Variants in KIF15 observed in about 807,000 individuals in gnomAD.
KIF15 encodes kinesin family member 15, also known as kinesin-like protein KIF15.
KIF15 carries 140 observed loss-of-function variants against 190.6 expected under a neutral mutation model. That is an observed-to-expected ratio of 0.73 (90% CI 0.64 to 0.84). KIF15 has a LOEUF of 0.84. Ranked by LOEUF, KIF15 falls within the 40% of genes least tolerant of loss-of-function variation. The pLI is 0.00. For synonymous variants in KIF15, 528 were observed against 551.3 expected (o/e 0.96, Z 0.59); for missense variants, 1,372 against 1,584.4 (o/e 0.87, Z 2.28).
chr3:44,864,234 T>C (rs1699295841), intron 6 of KIF15: 6 of 1,614,100 alleles, frequency 3.7e-6, no homozygotes, highest in African/African-American at 1.3e-5. Context: ...ATTATTGTGA[T>C]GGCGAGCACC....
rs565136478 is a variant in KIF15 at position 44,829,474 on chromosome 3, A to AAT, written c.2944-494_2944-493dup. 3.1e-3 allele frequency among the ~76,000 whole-genome samples: 413 copies of AAT among 133,286 alleles called. 13 individuals are homozygous for AAT. Among genetic ancestry groups the AAT allele is most frequent in the African/African-American group, 0.011 (374 of 32,860 alleles). 87.4% of individuals were successfully genotyped at this position (133,286 alleles called of 152,430 possible). ...ACGCATATATAATATATATGTATAT[A>AAT]ATATGTGTATATAATATATGCATAT... is the stretch of plus-strand genomic sequence containing the variant. On this transcript the variant is annotated intron_variant, in intron 24 of 34. Transcript: ENST00000326047.
intron 2 of KIF15, among the ~76,000 whole-genome samples, chr3:44,774,978 T>A (rs916205533): frequency 6.6e-6 from 1 of 152,088 alleles, no homozygotes; most frequent in African/African-American, 2.4e-5. Flanking sequence ...CAGATCCCTG[T>A]AATCCCAGCT....
At chr3:44,835,127 A>G (rs1205494919) in intron 26 of KIF15, among the ~76,000 whole-genome samples, 1 of 152,112 alleles carries the variant, frequency 6.6e-6, no homozygotes, top group African/African-American at 2.4e-5. Context: ...ATAAAACTTT[A>G]CAAGCAACAT....
chr3:44,840,336 A>T lies in KIF15; in HGVS notation c.3319-19A>T. ...CCATATTACTAAGTTGTAACCTTGT[A>T]TCTGTTCAATTTTCCCAGCTAAACC... On this transcript the variant is annotated intron_variant, in intron 27 of 34. Transcript: ENST00000326047. The T allele has an allele frequency of 1.4e-6, 2 of 1,459,106 alleles. No individual in the cohort carries two copies. Among genetic ancestry groups the T allele is most frequent in the Non-Finnish European group, 1.9e-6 (2 of 1,048,632 alleles). The allele number at this position is 1,459,106 out of a possible 1,614,324, so 90.4% of individuals were successfully genotyped here. A position where few individuals can be genotyped will look rare whatever the true frequency, so the allele number is the denominator to read the frequency against.
intron 7 of KIF15, 146 bp downstream of exon 7, chr3:44,786,720 A>C (rs1035696640): frequency 1.7e-6 from 1 of 584,774 alleles, no homozygotes; most frequent in Non-Finnish European, 2.7e-6. Context: ...AGATAAAATA[A>C]TATGGCAGTA....
intron 18 of KIF15, 60 bp downstream of exon 18, chr3:44,812,349 G>T: frequency 8.3e-7 from 1 of 1,204,356 alleles, no homozygotes; most frequent in South Asian, 1.3e-5. Flanking sequence ...TTACCTTGAG[G>T]AAACATCCTC....
intron 6 of KIF15, among the ~76,000 whole-genome samples, chr3:44,866,844 A>G (rs1699327815): frequency 6.6e-6 from 1 of 152,150 alleles, no homozygotes; most frequent in Non-Finnish European, 1.5e-5. Context: ...AGACATCTGC[A>G]GGTCAGCCAT....
chr3:44,788,931 A>G (rs954645273), intron 7 of KIF15, among the ~76,000 whole-genome samples: 2 of 152,222 alleles, frequency 1.3e-5, no homozygotes, highest in Non-Finnish European at 2.9e-5. Context: ...TTCTTGGGTC[A>G]GTGTTAGTAA....
At chr3:44,782,715 G>A (rs1438650945) in intron 5 of KIF15, among the ~76,000 whole-genome samples, 1 of 152,192 alleles carries the variant, frequency 6.6e-6, no homozygotes, top group African/African-American at 2.4e-5. Context: ...GGTGACCTTT[G>A]GAGTTATTAA....
At chr3:44,860,652 G>A (rs577475886) in intron 6 of KIF15, among the ~76,000 whole-genome samples, 7 of 151,674 alleles carry the variant, frequency 4.6e-5, no homozygotes, top group African/African-American at 7.3e-5. Flanking sequence ...GATTACAGGC[G>A]TGAGCCACCG....
chr3:44,812,390 G>A (rs1707824666), intron 18 of KIF15, 101 bp downstream of exon 18: 1 of 795,454 alleles, frequency 1.3e-6, no homozygotes, highest in South Asian at 1.6e-5. Flanking sequence ...GAGTATGCAT[G>A]AAACATATTC....
chr3:44,856,935 G>C (rs1387522953), downstream of KIF15, among the ~76,000 whole-genome samples: 2 of 152,112 alleles, frequency 1.3e-5, no homozygotes, highest in East Asian at 3.9e-4. Context: ...CAGTGAGTTC[G>C]GCTTGCTGAG....
intron 30 of KIF15, among the ~76,000 whole-genome samples, chr3:44,846,633 G>A (rs181187081): frequency 1.1e-3 from 174 of 152,110 alleles, no homozygotes; most frequent in South Asian, 2.1e-3. Context: ...AATGAGTCAG[G>A]AGTGGTGGCA....
intron 1 of KIF15, among the ~76,000 whole-genome samples, chr3:44,764,892 C>G (rs1265815907): frequency 6.6e-6 from 1 of 152,234 alleles, no homozygotes. Flanking sequence ...CCACCTTGGT[C>G]TCCCAAAGTG....
intron 6 of KIF15, among the ~76,000 whole-genome samples, chr3:44,859,225 G>A (rs1009778625): frequency 1.1e-4 from 16 of 152,250 alleles, no homozygotes; most frequent in African/African-American, 3.6e-4. Context: ...TGCTGGAGAT[G>A]TGGCTGGGGT....
At chr3:44,762,400 C>G (rs916273689) in intron 1 of KIF15, among the ~76,000 whole-genome samples, 1 of 152,192 alleles carries the variant, frequency 6.6e-6, no homozygotes, top group Non-Finnish European at 1.5e-5. Context: ...TTCTCACAGT[C>G]TCTATTTTCA....
At chr3:44,851,279 G>A (rs74496936) in intron 32 of KIF15, among the ~76,000 whole-genome samples, 60 of 152,264 alleles carry the variant, frequency 3.9e-4, no homozygotes, top group African/African-American at 1.4e-3. Flanking sequence ...AGGGGGGTGG[G>A]GGGTGAAGTA....
intron 6 of KIF15, chr3:44,862,931 A>G (rs1177155794): frequency 6.6e-6 from 1 of 152,026 alleles, no homozygotes; most frequent in African/African-American, 2.4e-5. Flanking sequence ...CGAAAGTAAA[A>G]TGAATAACTT....
chr3:44,802,722 C>T, intron 13 of KIF15, 92 bp from the exon 14 acceptor site: 1 of 1,275,058 alleles, frequency 7.8e-7, no homozygotes. Flanking sequence ...AGTGCATGTG[C>T]ATACCTAGTT....
Sources: allele counts gnomAD v4.1 joint callset (sites outside exome capture counted in the v4.1 genomes callset), GRCh38; gene constraint gnomAD v4.1.1; transcripts MANE v1.5; gene names NCBI Gene and HGNC (gene_info 2026-07-23, HGNC 2026-07-21).